Variants in UBAP2L observed in about 807,000 individuals in gnomAD.
The protein encoded by UBAP2L is ubiquitin-associated protein 2-like.
Under a neutral mutation model 130.6 loss-of-function variants are expected in UBAP2L, and 12 were observed. The observed-to-expected ratio is 0.09, with a 90% CI of 0.06 to 0.15. The LOEUF (loss-of-function observed/expected upper bound fraction) is 0.15. Among genes scored for constraint, UBAP2L ranks in the 10% least tolerant of loss-of-function variants. The pLI is 1.00. For synonymous variants in UBAP2L, 503 were observed against 524.7 expected (o/e 0.96, Z 0.57); for missense variants, 965 against 1,332.5 (o/e 0.72, Z 4.29).
At chr1:154,252,119 G>A (rs1263551049) in intron 14 of UBAP2L, among the ~76,000 whole-genome samples, 1 of 149,392 alleles carries the variant, frequency 6.7e-6, no homozygotes, top group Non-Finnish European at 1.5e-5. Flanking sequence ...GATTACAGGT[G>A]CCCACCACCA....
At position 154,270,103 on chromosome 1, in the gene UBAP2L, G is replaced by A. The variant is rs1034373093; in HGVS notation, c.3169-97G>A. 11 of 1,435,014 alleles carry A rather than the reference G, an allele frequency of 7.7e-6. No homozygotes were observed. In the African/African-American group the frequency reaches 1.6e-4, roughly 20 times the overall value. 88.9% of individuals were successfully genotyped at this position (1,435,014 alleles called of 1,614,324 possible). A position where few individuals can be genotyped will look rare whatever the true frequency, so the allele number is the denominator to read the frequency against. On this transcript the variant is annotated intron_variant, in intron 26 of 26. Coordinates refer to ENST00000428931, the MANE Select transcript of UBAP2L (RefSeq NM_014847.4). Reference sequence around the variant, plus strand: ...TAATAGTAGTGAGGGGAATGGGAGAGCAAGACAGTTTGCACATCTCCACCT... The same window carrying A: ...TAATAGTAGTGAGGGGAATGGGAGAACAAGACAGTTTGCACATCTCCACCT...
intron 2 of UBAP2L, 151 bp from the exon 3 acceptor site, chr1:154,227,131 C>G: frequency 1.6e-6 from 1 of 626,022 alleles, no homozygotes; most frequent in Non-Finnish European, 2.8e-6. Flanking sequence ...TATCCCTGAT[C>G]CCCCATTAAG....
chr1:154,258,831 T>G, intron 20 of UBAP2L, 146 bp from the exon 21 acceptor site: 1 of 636,462 alleles, frequency 1.6e-6, no homozygotes, highest in South Asian at 1.9e-5. Flanking sequence ...TGCTTTTTCC[T>G]TAAATAAAAT....
At chr1:154,248,582 C>T (rs936521377) in intron 11 of UBAP2L, among the ~76,000 whole-genome samples, 2 of 151,952 alleles carry the variant, frequency 1.3e-5, no homozygotes, top group Admixed American at 6.6e-5. Flanking sequence ...TTTGGGAGGC[C>T]GAGGCGGGTG....
intron 7 of UBAP2L, 115 bp downstream of exon 7, chr1:154,236,726 A>C: frequency 9.0e-7 from 1 of 1,107,188 alleles, no homozygotes; most frequent in Non-Finnish European, 1.4e-6. Context: ...ATGGGGACTT[A>C]GGGCTCATTT....
intron 1 of UBAP2L, among the ~76,000 whole-genome samples, chr1:154,223,953 C>T (rs1667148331): frequency 6.6e-6 from 1 of 152,144 alleles, no homozygotes; most frequent in African/African-American, 2.4e-5. Flanking sequence ...TATAAACTTA[C>T]CCTCTTTGGA....
chr1:154,243,231 G>A lies in UBAP2L; in HGVS notation c.771G>A (p.Lys257=). 6.2e-7 allele frequency: 1 copy of A among 1,611,506 alleles called. No homozygotes were observed. The part of the protein sequence containing the change: ...EDWNEDLSET[K]IFTASNVSSV... ...CTGTTTTCCAGCTTTCTGAGACCAA[G>A]ATCTTCACTGCCTCTAATGTGTCTT... The change falls in exon 10 of 27, where the codon AAG becomes AAA. Residue 257 remains lysine (K), a synonymous_variant. Transcript: ENST00000428931.
At position 154,257,168 on chromosome 1, in the gene UBAP2L, A is replaced by G. The variant is rs752384592; in HGVS notation, c.2263A>G (p.Ser755Gly). The G allele has an allele frequency of 6.2e-7, 1 of 1,614,170 alleles. No homozygotes were observed. Among genetic ancestry groups the G allele is most frequent in the East Asian group, 2.2e-5 (1 of 44,882 alleles). The change falls in exon 19 of 27, where the codon AGT (serine) becomes GGT (glycine). Residue 755 changes from serine to glycine, a missense_variant. Around this residue, in one of 9 missense-constraint regions of UBAP2L, gnomAD observed 393 missense variants for 408.1 expected, o/e 0.96. Coordinates refer to ENST00000428931, the MANE Select transcript of UBAP2L (RefSeq NM_014847.4). ...TCCCCCAGTGGTCAGTGTCTCCTCC[A>G]GTCTCAATAGTGGCAGTAGCCTGGG... ...APPPVVSVSS[S>G]LNSGSSLGLS...
chr1:154,250,332 G>A (rs540476099), intron 12 of UBAP2L, among the ~76,000 whole-genome samples: 249 of 147,382 alleles, frequency 1.7e-3, no homozygotes, highest in Middle Eastern at 7.0e-3. Context: ...GATTGCAGGC[G>A]TGAGCCATTG....
Position 154,237,054 on chromosome 1 carries a change from A to T in UBAP2L, c.621A>T (p.Pro207=). The change falls in exon 8 of 27, where the codon CCA becomes CCT. Residue 207 remains proline, a synonymous_variant. Transcript: ENST00000428931. ...TTAACCCAGCTGATTATGCAGAGCC[A>T]GCCAATACTGATGATAACTATGGCA... is the stretch of plus-strand genomic sequence containing the variant. The part of the protein sequence containing the change: ...GTFNPADYAE[P]ANTDDNYGNS... 1 of 1,614,218 alleles carries T rather than the reference A, an allele frequency of 6.2e-7. No individual in the cohort carries two copies. Among genetic ancestry groups the T allele is most frequent in the Non-Finnish European group, 8.5e-7 (1 of 1,180,036 alleles).
At position 154,246,338 on chromosome 1, in the gene UBAP2L, A is replaced by T; in HGVS notation, c.977A>T (p.Gln326Leu). Residue 326 changes from glutamine (Q) to leucine (L), a missense_variant, in exon 11 of 27, where the codon CAG becomes CTG. Gln to Leu is a moderately radical substitution (Grantham distance 113, BLOSUM62 -2). Coordinates refer to ENST00000428931, the MANE Select transcript of UBAP2L (RefSeq NM_014847.4). ...FSNSKQTAIS[Q>L]PASGNTFSHH... is the part of the protein sequence containing the mutation. ...AATTCGAAGCAGACTGCCATATCACAGCCTGCTTCAGGGAACACATTTTCT... is the reference window on the plus strand; with the variant it reads ...AATTCGAAGCAGACTGCCATATCACTGCCTGCTTCAGGGAACACATTTTCT... 1 of 1,613,386 alleles carries T rather than the reference A, an allele frequency of 6.2e-7. No individual in the cohort carries two copies. The highest frequency in any genetic ancestry group is 8.5e-7 in the Non-Finnish European group (1 of 1,179,714).
At chr1:154,220,214 G>A (rs1665416812), upstream of UBAP2L, 1 of 1,155,924 alleles carries the variant, frequency 8.7e-7, no homozygotes, top group Admixed American at 1.8e-5. Context: ...CCTACTCCTG[G>A]AATAAGGAGT....
chr1:154,236,891 GAC>G (rs1671866194), intron 7 of UBAP2L, 131 bp from the exon 8 acceptor site: 1 of 713,818 alleles, frequency 1.4e-6, no homozygotes, highest in South Asian at 1.9e-5. Context: ...AAAAGTAGAT[GAC>G]ACACAGGATT....
At chr1:154,243,086 T>A in intron 9 of UBAP2L, 131 bp from the exon 10 acceptor site, 1 of 672,858 alleles carries the variant, frequency 1.5e-6, no homozygotes, top group Non-Finnish European at 2.6e-6. Context: ...CCATTCAGGA[T>A]TCCTCAGGGT....
At position 154,266,808 on chromosome 1, in the gene UBAP2L, C is replaced by T. The variant is rs554907122; in HGVS notation, c.2970+240C>T. On this transcript the variant is annotated intron_variant, in intron 25 of 26. Transcript: ENST00000428931. ...AGGTAAAGCGTGGCAAATTGTTTAT[C>T]GTGTCATGTAATTTACTGTGCAACT... 2.1e-3 allele frequency among the ~76,000 whole-genome samples: 326 copies of T among 152,266 alleles called. 3 individuals are homozygous for T. The highest frequency in any genetic ancestry group is 1.8e-3 in the Non-Finnish European group (123 of 68,026).
intron 18 of UBAP2L, among the ~76,000 whole-genome samples, chr1:154,256,013 G>C (rs1040677022): frequency 6.8e-4 from 104 of 152,242 alleles, no homozygotes; most frequent in African/African-American, 2.4e-3. Context: ...TATATAGTTG[G>C]GCTTTGTATG....
At chr1:154,271,065 CTT>C, downstream of UBAP2L, 1 of 929,944 alleles carries the variant, frequency 1.1e-6, no homozygotes, top group Non-Finnish European at 1.6e-6. Flanking sequence ...ACCCCTAAGA[CTT>C]TCACAACCTG....
At chr1:154,226,666 T>G (rs535296780) in intron 2 of UBAP2L, among the ~76,000 whole-genome samples, 1 of 152,196 alleles carries the variant, frequency 6.6e-6, no homozygotes, top group African/African-American at 2.4e-5. Context: ...GAATAGAGTT[T>G]ACACATGGCT....
intron 10 of UBAP2L, among the ~76,000 whole-genome samples, chr1:154,244,533 C>T (rs1219951600): frequency 2.0e-5 from 3 of 151,974 alleles, no homozygotes; most frequent in Non-Finnish European, 4.4e-5. Flanking sequence ...CCACTATACC[C>T]AGCTAATTTT....
Sources: allele counts gnomAD v4.1 joint callset (sites outside exome capture counted in the v4.1 genomes callset), GRCh38; gene constraint gnomAD v4.1.1; regional missense constraint gnomAD v4.1.1; transcripts MANE v1.5; gene names NCBI Gene and HGNC (gene_info 2026-07-23, HGNC 2026-07-21).